Variants in COL12A1 observed in about 807,000 individuals in gnomAD.
The protein encoded by COL12A1 is collagen alpha-1(XII) chain.
COL12A1 carries 114 observed loss-of-function variants against 349.7 expected under a neutral mutation model. The observed-to-expected ratio is 0.33, with a 90% CI of 0.28 to 0.38. The LOEUF is 0.38. Ranked by LOEUF, COL12A1 falls within the 10% of genes least tolerant of loss-of-function variation. The probability of loss-of-function intolerance (pLI) is 1.00; values close to 1 mark genes in which losing one functional copy is unlikely to be tolerated. For missense variants in COL12A1, 3,284 were observed against 3,756.9 expected, an observed-to-expected ratio of 0.87 and a Z score of 3.29; for synonymous variants, 1,369 against 1,329.0, an observed-to-expected ratio of 1.03 and a Z score of -0.66.
intron 52 of COL12A1, among the ~76,000 whole-genome samples, chr6:75,108,528 G>A (rs1315058482): frequency 6.6e-6 from 1 of 152,144 alleles, no homozygotes; most frequent in Non-Finnish European, 1.5e-5. Context: ...TGAGTAATGG[G>A]GTCAGCTGGC....
At chr6:75,181,314 G>A in intron 10 of COL12A1, 103 bp from the exon 11 acceptor site, 1 of 1,158,862 alleles carries the variant, frequency 8.6e-7, no homozygotes, top group East Asian at 2.4e-5. Flanking sequence ...TAATTTGGGA[G>A]AATGGTGCTC....
chr6:75,152,803 A>G (rs1004025323), intron 17 of COL12A1, among the ~76,000 whole-genome samples: 3 of 152,144 alleles, frequency 2.0e-5, no homozygotes, highest in African/African-American at 7.2e-5. Flanking sequence ...ATGGGCTCAC[A>G]AATTCAAAGG....
chr6:75,104,139 G>A (rs1275829273), intron 54 of COL12A1, among the ~76,000 whole-genome samples: 1 of 152,076 alleles, frequency 6.6e-6, no homozygotes, highest in Non-Finnish European at 1.5e-5. Flanking sequence ...CATTCCTTGG[G>A]GAAAATGATG....
At chr6:75,166,498 A>G (rs1430543529) in intron 13 of COL12A1, among the ~76,000 whole-genome samples, 1 of 152,196 alleles carries the variant, frequency 6.6e-6, no homozygotes, top group Non-Finnish European at 1.5e-5. Flanking sequence ...TTCAAAAAAC[A>G]TACAACCCAA....
At chr6:75,108,876 A>G (rs1562129284) in intron 52 of COL12A1, 142 bp downstream of exon 52, 1 of 810,312 alleles carries the variant, frequency 1.2e-6, no homozygotes, top group Admixed American at 2.7e-5. Context: ...ACTTCTTCCA[A>G]TGTTTTGATC....
intron 14 of COL12A1, among the ~76,000 whole-genome samples, chr6:75,162,788 C>T (rs2149434624): frequency 6.6e-6 from 1 of 152,264 alleles, no homozygotes; most frequent in East Asian, 1.9e-4. Context: ...TATCCAGAAT[C>T]TACAAAGAAC....
At chr6:75,097,859 C>A (rs1480753442) in intron 58 of COL12A1, among the ~76,000 whole-genome samples, 1 of 152,166 alleles carries the variant, frequency 6.6e-6, no homozygotes, top group East Asian at 1.9e-4. Context: ...GCGTTCTCTG[C>A]ACCTTCATTC....
At position 75,109,045 on chromosome 6, in the gene COL12A1, G is replaced by T; in HGVS notation, c.8073C>A (p.Leu2691=). ...CGGCTGATTTCCTTTCCCCTTTAAG[G>T]AGTTTTCCAAGAATTTCATAACCAT... ...TTDGYEILGK[L]LKGERKSAAF... is the part of the protein sequence containing the mutation. Residue 2691 remains leucine, a synonymous_variant, in exon 52 of 66, where the codon CTC becomes CTA. Transcript: ENST00000322507. The T allele has an allele frequency of 6.2e-7, 1 of 1,612,118 alleles. No homozygotes were observed. The highest frequency in any genetic ancestry group is 8.5e-7 in the Non-Finnish European group (1 of 1,179,234).
chr6:75,096,699 A>C (rs1314620096), intron 59 of COL12A1, among the ~76,000 whole-genome samples: 1 of 152,152 alleles, frequency 6.6e-6, no homozygotes, highest in Non-Finnish European at 1.5e-5. Context: ...GATCGAGACC[A>C]TCCCGGCTAA....
chr6:75,134,115 G>C (rs1766455471), intron 32 of COL12A1, 118 bp from the exon 33 acceptor site: 1 of 1,138,254 alleles, frequency 8.8e-7, no homozygotes, highest in Non-Finnish European at 1.2e-6. Flanking sequence ...ACAAACATTT[G>C]TTGAAGTAGT....
rs2149358877 is a variant in COL12A1 at position 75,113,752 on chromosome 6, A to G, written c.7698-8T>C. 3 of 1,558,856 alleles carry G rather than the reference A, an allele frequency of 1.9e-6. No individual in the cohort carries two copies. In the East Asian group the frequency reaches 6.8e-5, roughly 35 times the overall value. On this transcript the variant is annotated splice_region_variant and splice_polypyrimidine_tract_variant and intron_variant, in intron 49 of 65. Coordinates refer to ENST00000322507, the MANE Select transcript of COL12A1 (RefSeq NM_004370.6). Reference sequence around the variant, plus strand: ...CCATTTGGGTGTAGGTCTCTGTTGGATAAAACAAAAGAAAGAAAAAGGAGA... The same window carrying G: ...CCATTTGGGTGTAGGTCTCTGTTGGGTAAAACAAAAGAAAGAAAAAGGAGA...
intron 21 of COL12A1, among the ~76,000 whole-genome samples, chr6:75,149,950 C>T (rs1767398354): frequency 6.6e-6 from 1 of 152,114 alleles, no homozygotes. Flanking sequence ...CAAATTCTGG[C>T]TGCCAGGCTG....
intron 31 of COL12A1, among the ~76,000 whole-genome samples, chr6:75,137,182 T>G (rs890157211): frequency 2.6e-5 from 4 of 152,184 alleles, no homozygotes; most frequent in African/African-American, 4.8e-5. Flanking sequence ...GAACTATGGA[T>G]GCATTGAAGC....
intron 2 of COL12A1, among the ~76,000 whole-genome samples, chr6:75,198,741 A>T (rs1278675176): frequency 6.6e-6 from 1 of 152,134 alleles, no homozygotes; most frequent in Admixed American, 6.5e-5. Context: ...GGGAAAATGG[A>T]TGAGAGGGAG....
At chr6:75,197,558 C>T (rs1770297719) in intron 2 of COL12A1, among the ~76,000 whole-genome samples, 1 of 152,042 alleles carries the variant, frequency 6.6e-6, no homozygotes, top group Non-Finnish European at 1.5e-5. Flanking sequence ...GTGATCCGCC[C>T]TCCTCAGCCT....
At chr6:75,105,071 G>A in intron 54 of COL12A1, 135 bp downstream of exon 54, 1 of 587,594 alleles carries the variant, frequency 1.7e-6, no homozygotes, top group Non-Finnish European at 3.0e-6. Flanking sequence ...CTAAAAAGAT[G>A]GTCTGCAATT....
rs1263928325 is a variant in COL12A1 at position 75,105,241 on chromosome 6, C to T, written c.8230G>A (p.Asp2744Asn). Residue 2744 changes from aspartate (D) to asparagine (N), a missense_variant, in exon 54 of 66, where the codon GAC (aspartate) becomes AAC (asparagine). By Grantham distance (23) the Asp-to-Asn change is conservative (BLOSUM62 1). This residue lies in a region of COL12A1 where 683 missense variants were observed against 932.1 expected (regional missense o/e 0.73). Transcript: ENST00000322507. ...GGAGGTCCTGGAGGTCCAACGCTGT[C>T]CTGTGTACATGTGCAAGAATTTGGA... ...AFPNSCTCTQDSVGPPGPPGP... is the reference protein window; with the variant it reads ...AFPNSCTCTQNSVGPPGPPGP... The T allele has an allele frequency of 2.5e-6, 4 of 1,613,834 alleles. No individual in the cohort carries two copies. In the South Asian group the frequency reaches 4.4e-5, roughly 18 times the overall value.
chr6:75,151,992 G>T lies in COL12A1; in HGVS notation c.3875C>A (p.Thr1292Asn). Residue 1292 changes from threonine to asparagine, a missense_variant, in exon 20 of 66, where the codon ACC becomes AAC. By Grantham distance (65) the Thr-to-Asn change is moderately conservative (BLOSUM62 0). Coordinates refer to ENST00000322507, the MANE Select transcript of COL12A1 (RefSeq NM_004370.6). ...AGCTCGAGGTCTCATGCCAGCTTGG[G>T]TCCTGAAGTTCTGTTGGCGAATGAA... ...LNFIRQQNFR[T>N]QAGMRPRARK... is the part of the protein sequence containing the mutation. 1 of 1,613,846 alleles carries T rather than the reference G, an allele frequency of 6.2e-7. No individual in the cohort carries two copies. The highest frequency in any genetic ancestry group is 8.5e-7 in the Non-Finnish European group (1 of 1,179,828).
At chr6:75,187,422 A>G (rs950726450) in intron 8 of COL12A1, among the ~76,000 whole-genome samples, 21 of 152,132 alleles carry the variant, frequency 1.4e-4, no homozygotes, top group African/African-American at 4.6e-4. Context: ...CTACCCTTGC[A>G]TACATGCAAC....
Sources: gnomAD v4.1 joint callset for allele counts (sites outside exome capture counted in the v4.1 genomes callset) on GRCh38, gnomAD v4.1.1 for gene constraint, gnomAD v4.1.1 regional missense constraint, MANE v1.5 for transcripts, NCBI Gene and HGNC (gene_info 2026-07-23, HGNC 2026-07-21) for gene names.